Variants in NEK7 observed in about 807,000 individuals in gnomAD.
NEK7 encodes the protein serine/threonine-protein kinase Nek7.
Under a neutral mutation model 44.6 loss-of-function variants are expected in NEK7, and 18 were observed. That is an observed-to-expected ratio of 0.40 (90% CI 0.28 to 0.60). NEK7 has a LOEUF of 0.60. Among genes scored for constraint, NEK7 ranks in the 20% least tolerant of loss-of-function variants. The probability of loss-of-function intolerance (pLI) is 0.38; values close to 1 mark genes in which losing one functional copy is unlikely to be tolerated. For missense variants in NEK7, 256 were observed against 366.5 expected (o/e 0.70, Z 2.46); for synonymous variants, 130 against 121.1 (o/e 1.07, Z -0.48).
At chr1:198,192,884 A>C (rs1194407371) in intron 1 of NEK7, among the ~76,000 whole-genome samples, 2 of 152,258 alleles carry the variant, frequency 1.3e-5, no homozygotes, top group East Asian at 3.9e-4. Flanking sequence ...TGACAACCTA[A>C]CATCACAACT....
At chr1:198,315,098 TAGGACCCTCCG>T (rs1655319525) in intron 9 of NEK7, among the ~76,000 whole-genome samples, 2 of 152,170 alleles carry the variant, frequency 1.3e-5, no homozygotes, top group Admixed American at 1.3e-4. Flanking sequence ...TCCATGGGCG[TAGGACCCTCCG>T]AGCCAGATGC....
chr1:198,231,345 A>G (rs1666393563), intron 1 of NEK7, among the ~76,000 whole-genome samples: 1 of 145,146 alleles, frequency 6.9e-6, no homozygotes, highest in Admixed American at 6.9e-5. Flanking sequence ...ATAAAAACAC[A>G]TGATCATTTG....
In NEK7 at chr1:198,197,977, G is replaced by A. The variant is rs908460106; in HGVS notation, c.-28-34576G>A. On this transcript the variant is annotated intron_variant, in intron 1 of 9. Coordinates refer to ENST00000367385, the MANE Select transcript of NEK7 (RefSeq NM_133494.3). Reference sequence around the variant, plus strand: ...TGGGTATGGAGGAGGGTAGGGACCCGAGGATTGGCATCCTGGATACCCTGG... The same window carrying A: ...TGGGTATGGAGGAGGGTAGGGACCCAAGGATTGGCATCCTGGATACCCTGG... 2.8e-5 allele frequency: 41 copies of A among 1,471,330 alleles called. 2 individuals are homozygous for A. In the South Asian group the frequency reaches 4.1e-4, roughly 15 times the overall value. 91.1% of individuals were successfully genotyped at this position (1,471,330 alleles called of 1,614,324 possible).
chr1:198,188,982 C>T (rs17645964), intron 1 of NEK7, among the ~76,000 whole-genome samples: 15,219 of 152,016 alleles, frequency 0.1, 1,054 homozygotes, highest in South Asian at 0.25. Flanking sequence ...AAATCAAGTG[C>T]GCTTGAATGA....
At chr1:198,211,822 A>G (rs780502394) in intron 1 of NEK7, among the ~76,000 whole-genome samples, 5 of 152,186 alleles carry the variant, frequency 3.3e-5, no homozygotes, top group African/African-American at 4.8e-5. Context: ...TCCAAGAAGC[A>G]ACACCGGAAC....
rs747741733 is a variant in NEK7, at chr1:198,319,504, A to T, written c.891A>T (p.Ala297=). 2.5e-6 allele frequency: 4 copies of T among 1,610,994 alleles called. No individual in the cohort carries two copies. Among genetic ancestry groups the T allele is most frequent in the Non-Finnish European group, 3.4e-6 (4 of 1,177,962 alleles). Residue 297 remains alanine (A), a synonymous_variant, in exon 10 of 10, where the codon GCA becomes GCT. Coordinates refer to ENST00000367385, the MANE Select transcript of NEK7 (RefSeq NM_133494.3). ...ATGACGTAGCAAAGAGGATGCATGC[A>T]TGCACTGCAAGCAGCTAAACATGCA... ...YVYDVAKRMH[A]CTASS is the part of the protein sequence containing the mutation.
chr1:198,216,643 A>T (rs998641177), intron 1 of NEK7, among the ~76,000 whole-genome samples: 3 of 151,940 alleles, frequency 2.0e-5, no homozygotes, highest in Non-Finnish European at 4.4e-5. Context: ...TCAGTGAAAC[A>T]AAAACTGGTT....
In NEK7 at chr1:198,319,698, A is replaced by C; in HGVS notation, c.*176A>C. 1.7e-6 allele frequency: 1 copy of C among 588,672 alleles called. No homozygotes were observed. The allele number at this position is 588,672 out of a possible 1,614,324, so 36.5% of individuals were successfully genotyped here. On this transcript the variant is annotated 3_prime_UTR_variant, in exon 10 of 10. Transcript: ENST00000367385. ...CCAGTCACCTAAATCACCTCCTTGC[A>C]ACCCCCAAATGACTTTGGAATAACT... is the stretch of plus-strand genomic sequence containing the variant.
intron 7 of NEK7, among the ~76,000 whole-genome samples, chr1:198,281,309 C>T (rs190577325): frequency 3.9e-5 from 6 of 152,102 alleles, no homozygotes; most frequent in African/African-American, 9.6e-5. Context: ...AGAGTTGGCA[C>T]TGAAAAGTAA....
Position 198,242,081 on chromosome 1 carries a change from CT to C in NEK7, c.57+9445del, listed in dbSNP as rs1445060248. 2.6e-5 allele frequency among the ~76,000 whole-genome samples: 4 copies of C among 151,822 alleles called. No individual in the cohort carries two copies. In the East Asian group the frequency reaches 7.7e-4, roughly 29 times the overall value. On this transcript the variant is annotated intron_variant, in intron 2 of 9. Transcript: ENST00000367385. ...TCTCAATCATCCTTGATTTCTCTCT[CT>C]CCCTCACTCCTCATATTCAATTAAT...
chr1:198,286,000 T>G (rs1043236096), intron 7 of NEK7, among the ~76,000 whole-genome samples: 1 of 152,154 alleles, frequency 6.6e-6, no homozygotes, highest in South Asian at 2.1e-4. Flanking sequence ...TCCAGAAAGA[T>G]TCATGAGGTT....
At chr1:198,174,801 A>G (rs1029446130) in intron 1 of NEK7, among the ~76,000 whole-genome samples, 4 of 152,060 alleles carry the variant, frequency 2.6e-5, no homozygotes, top group African/African-American at 9.6e-5. Context: ...TCTGTCACCC[A>G]GGCTGGAGCA....
At chr1:198,268,121 G>A (rs573500731) in intron 5 of NEK7, among the ~76,000 whole-genome samples, 2 of 149,996 alleles carry the variant, frequency 1.3e-5, no homozygotes, top group South Asian at 4.2e-4. Flanking sequence ...CTTTAATGAT[G>A]GAATTTTAAG....
At chr1:198,165,954 T>C (rs1456634888) in intron 1 of NEK7, among the ~76,000 whole-genome samples, 1 of 152,254 alleles carries the variant, frequency 6.6e-6, no homozygotes, top group Non-Finnish European at 1.5e-5. Flanking sequence ...TCAACTTGCA[T>C]TTTTATATGA....
intron 7 of NEK7, among the ~76,000 whole-genome samples, chr1:198,290,371 A>G (rs775997220): frequency 1.2e-4 from 18 of 152,316 alleles, no homozygotes; most frequent in Admixed American, 7.2e-4. Context: ...TTTTGGAAAT[A>G]ATTATATCTT....
intron 3 of NEK7, among the ~76,000 whole-genome samples, chr1:198,260,319 C>T (rs1227859687): frequency 6.6e-6 from 1 of 151,844 alleles, no homozygotes; most frequent in African/African-American, 2.4e-5. Context: ...TTTGTCAAAG[C>T]TTAATGTATA....
At chr1:198,243,930 T>TC (rs201698990) in intron 2 of NEK7, among the ~76,000 whole-genome samples, 19,505 of 150,896 alleles carry the variant, frequency 0.13, 1,980 homozygotes, top group African/African-American at 0.26. Context: ...TCCAGTGAAG[T>TC]CTGTAGAAAA....
In NEK7 at chr1:198,253,072, A is replaced by G. The variant is rs758564308; in HGVS notation, c.90A>G (p.Thr30=). Residue 30 remains threonine, a synonymous_variant, in exon 3 of 10, where the codon ACA becomes ACG. Transcript: ENST00000367385. ...KALRPDMGYN[T]LANFRIEKKI... is the part of the protein sequence containing the mutation. ...TACGACCGGATATGGGCTATAATAC[A>G]TTAGCCAACTTTCGAATAGAAAAGA... 9 of 1,612,018 alleles carry G rather than the reference A, an allele frequency of 5.6e-6. No homozygotes were observed. The highest frequency in any genetic ancestry group is 7.6e-6 in the Non-Finnish European group (9 of 1,178,532).
At chr1:198,272,968 A>G (rs534942566) in intron 5 of NEK7, among the ~76,000 whole-genome samples, 1 of 151,908 alleles carries the variant, frequency 6.6e-6, no homozygotes, top group East Asian at 1.9e-4. Flanking sequence ...ATTGCTCATG[A>G]AAAATATTTT....
Sources: gnomAD v4.1 joint callset for allele counts (sites outside exome capture counted in the v4.1 genomes callset) on GRCh38, gnomAD v4.1.1 for gene constraint, MANE v1.5 for transcripts, NCBI Gene and HGNC (gene_info 2026-07-23, HGNC 2026-07-21) for gene names.